Variants in GPR158 observed in about 807,000 individuals in gnomAD.
The protein encoded by GPR158 is metabotropic glycine receptor.
In GPR158, 30 loss-of-function variants were observed where a neutral mutation model predicts 78.2. The observed-to-expected ratio is 0.38, with a 90% confidence interval of 0.29 to 0.52. The LOEUF (loss-of-function observed/expected upper bound fraction) is 0.52, where lower values mean the gene tolerates loss of function less well. Ranked by LOEUF, GPR158 falls within the 20% of genes least tolerant of loss-of-function variation. The pLI is 0.83. For missense variants in GPR158, 1,463 were observed against 1,523.5 expected (o/e 0.96, Z 0.66); for synonymous variants, 581 against 591.1 (o/e 0.98, Z 0.25).
intron 4 of GPR158, among the ~76,000 whole-genome samples, chr10:25,436,598 T>C (rs992764857): frequency 6.6e-6 from 1 of 152,116 alleles, no homozygotes; most frequent in African/African-American, 2.4e-5. Context: ...GCTACAGAAT[T>C]TTTAAAAAGG....
chr10:25,394,226 A>G (rs1267466156), intron 2 of GPR158, among the ~76,000 whole-genome samples: 1 of 152,154 alleles, frequency 6.6e-6, no homozygotes, highest in Non-Finnish European at 1.5e-5. Flanking sequence ...TACCTTTTTC[A>G]GACTATGTCT....
At chr10:25,239,783 T>C (rs1447767639) in intron 2 of GPR158, among the ~76,000 whole-genome samples, 1 of 152,182 alleles carries the variant, frequency 6.6e-6, no homozygotes, top group Non-Finnish European at 1.5e-5. Context: ...ACTATTTGGT[T>C]TGTCTGGTTT....
chr10:25,523,546 G>GT (rs1469366063), intron 5 of GPR158, among the ~76,000 whole-genome samples: 1 of 152,152 alleles, frequency 6.6e-6, no homozygotes, highest in Non-Finnish European at 1.5e-5. Context: ...TCAGACATAG[G>GT]TTTTGGTCAG....
intron 5 of GPR158, among the ~76,000 whole-genome samples, chr10:25,489,781 T>A (rs1835780300): frequency 6.6e-6 from 1 of 152,092 alleles, no homozygotes; most frequent in African/African-American, 2.4e-5. Context: ...GGGGAATGAG[T>A]GCTACTGAGA....
At chr10:25,297,626 C>T (rs142533953) in intron 2 of GPR158, among the ~76,000 whole-genome samples, 53 of 152,232 alleles carry the variant, frequency 3.5e-4, no homozygotes, top group African/African-American at 1.2e-3. Flanking sequence ...CTCCCACGTA[C>T]GTTGAATTTA....
chr10:25,416,581 C>A (rs892099662), intron 4 of GPR158, among the ~76,000 whole-genome samples: 7 of 150,262 alleles, frequency 4.7e-5, no homozygotes, highest in African/African-American at 1.2e-4. Flanking sequence ...GACACATACT[C>A]CTTCTTGTGT....
intron 4 of GPR158, among the ~76,000 whole-genome samples, chr10:25,435,050 T>C (rs1176580192): frequency 6.6e-6 from 1 of 152,194 alleles, no homozygotes; most frequent in Non-Finnish European, 1.5e-5. Context: ...GCAGCTGAGA[T>C]AAATTGTTGA....
chr10:25,530,749 A>G (rs1016166127), intron 5 of GPR158, among the ~76,000 whole-genome samples: 2 of 152,206 alleles, frequency 1.3e-5, no homozygotes, highest in African/African-American at 4.8e-5. Context: ...AAGTGACAGG[A>G]AACAGGTCAA....
At chr10:25,435,082 T>A (rs1246293185) in intron 4 of GPR158, among the ~76,000 whole-genome samples, 1 of 152,212 alleles carries the variant, frequency 6.6e-6, no homozygotes, top group Non-Finnish European at 1.5e-5. Flanking sequence ...ATGTTAGACA[T>A]GTGGTCTGGC....
chr10:25,393,264 T>A (rs550068740), intron 2 of GPR158, among the ~76,000 whole-genome samples: 2 of 152,326 alleles, frequency 1.3e-5, no homozygotes, highest in East Asian at 1.9e-4. Context: ...ACTGTTGCAG[T>A]GCTGAGTCAT....
intron 2 of GPR158, among the ~76,000 whole-genome samples, chr10:25,324,823 T>TTTTCTTTCTTTCTTTCTTTC (rs1268961432): frequency 1.9e-4 from 26 of 137,440 alleles, no homozygotes; most frequent in African/African-American, 7.0e-4. Flanking sequence ...GTATTTTCTT[T>TTTTCTTTCTTTCTTTCTTTC]TTTCTTTCTT....
intron 2 of GPR158, among the ~76,000 whole-genome samples, chr10:25,356,197 G>C (rs370717530): frequency 1.3e-5 from 2 of 152,054 alleles, no homozygotes; most frequent in African/African-American, 4.8e-5. Flanking sequence ...ATATGGAAAT[G>C]ATTTTCTTAC....
chr10:25,535,993 T>G (rs1177350189), intron 5 of GPR158, among the ~76,000 whole-genome samples: 1 of 152,190 alleles, frequency 6.6e-6, no homozygotes, highest in African/African-American at 2.4e-5. Context: ...CCCACTAAAC[T>G]GTTGAGGAAA....
At chr10:25,356,694 C>G (rs1339785784) in intron 2 of GPR158, among the ~76,000 whole-genome samples, 3 of 152,112 alleles carry the variant, frequency 2.0e-5, no homozygotes, top group Non-Finnish European at 4.4e-5. Context: ...ATTGTGAGGC[C>G]TCCGCAGCCA....
intron 4 of GPR158, among the ~76,000 whole-genome samples, chr10:25,455,230 G>GTCTAA: frequency 6.6e-6 from 1 of 152,290 alleles, no homozygotes; most frequent in Admixed American, 6.5e-5. Context: ...TGAAAAATGA[G>GTCTAA]TCTAAAGGTT....
At chr10:25,295,515 G>A (rs927035523) in intron 2 of GPR158, among the ~76,000 whole-genome samples, 38 of 152,046 alleles carry the variant, frequency 2.5e-4, no homozygotes, top group African/African-American at 8.5e-4. Context: ...CCGGGTTCAC[G>A]CCATTCTCCT....
intron 5 of GPR158, among the ~76,000 whole-genome samples, chr10:25,477,813 G>A (rs1835609727): frequency 2.0e-5 from 3 of 152,190 alleles, no homozygotes; most frequent in Admixed American, 1.3e-4. Context: ...TCCCCAAACT[G>A]TTGGAGGATT....
At chr10:25,312,264 T>TTA (rs111692582) in intron 2 of GPR158, among the ~76,000 whole-genome samples, 4,974 of 152,038 alleles carry the variant, frequency 0.033, 225 homozygotes, top group African/African-American at 0.1. Flanking sequence ...CATGACTTTG[T>TTA]TATATATATA....
intron 5 of GPR158, among the ~76,000 whole-genome samples, chr10:25,540,931 TAAAGTA>T (rs1353805259): frequency 0.019 from 2,361 of 122,142 alleles, 52 homozygotes; most frequent in African/African-American, 0.069. Flanking sequence ...CCCTAGAACT[TAAAGTA>T]TAATAAAAAT....
Sources: gnomAD v4.1 joint callset for allele counts (sites outside exome capture counted in the v4.1 genomes callset) on GRCh38, gnomAD v4.1.1 for gene constraint, MANE v1.5 for transcripts, NCBI Gene and HGNC (gene_info 2026-07-23, HGNC 2026-07-21) for gene names.